B4GALT5: variants seen among roughly 807,000 people sequenced by gnomAD.
The protein encoded by B4GALT5 is UDP-Gal:beta-GlcNAc beta-1,4-galactosyltransferase 5.
Under a neutral mutation model 45.0 loss-of-function variants are expected in B4GALT5, and 11 were observed. The ratio of observed to expected loss-of-function variants is 0.24; its 90% CI spans 0.15 to 0.40. The LOEUF is 0.40. Among genes scored for constraint, B4GALT5 ranks in the 10% least tolerant of loss-of-function variants. The pLI is 1.00. For synonymous variants in B4GALT5, 185 were observed against 182.9 expected (o/e 1.01, Z -0.09); for missense variants, 337 against 500.2 (o/e 0.67, Z 3.11).
chr20:49,680,906 A>G (rs549142274), intron 1 of B4GALT5, among the ~76,000 whole-genome samples: 1 of 152,254 alleles, frequency 6.6e-6, no homozygotes, highest in African/African-American at 2.4e-5. Flanking sequence ...ATATTTTACC[A>G]TATATTTTAC....
At chr20:49,640,298 G>GT (rs1160198744) in intron 6 of B4GALT5, among the ~76,000 whole-genome samples, 180 bp downstream of exon 6, 4 of 152,126 alleles carry the variant, frequency 2.6e-5, no homozygotes, top group Admixed American at 1.3e-4. Context: ...GTTTTGGCAC[G>GT]TATCAGTATT....
intron 1 of B4GALT5, among the ~76,000 whole-genome samples, chr20:49,659,426 A>G (rs2085656346): frequency 6.6e-6 from 1 of 152,166 alleles, no homozygotes; most frequent in Admixed American, 6.5e-5. Flanking sequence ...GTGATGGTCT[A>G]TTACAGACTA....
intron 1 of B4GALT5, among the ~76,000 whole-genome samples, chr20:49,702,790 G>A (rs1185856741): frequency 6.6e-6 from 1 of 152,062 alleles, no homozygotes; most frequent in Non-Finnish European, 1.5e-5. Flanking sequence ...GAGAGGTTGA[G>A]GCTGCAGTGA....
At chr20:49,697,019 G>A (rs181771549) in intron 1 of B4GALT5, among the ~76,000 whole-genome samples, 2 of 152,336 alleles carry the variant, frequency 1.3e-5, no homozygotes, top group East Asian at 3.9e-4. Context: ...TTAGATCGAT[G>A]TTGTTTAATT....
At chr20:49,656,528 G>A in intron 2 of B4GALT5, 40 bp downstream of exon 2, 2 of 1,609,132 alleles carry the variant, frequency 1.2e-6, no homozygotes, top group Non-Finnish European at 1.7e-6. Flanking sequence ...CTCTTGGGAG[G>A]AGACATTCTA....
intron 1 of B4GALT5, among the ~76,000 whole-genome samples, chr20:49,690,742 G>C (rs932384652): frequency 1.5e-4 from 23 of 152,096 alleles, no homozygotes; most frequent in African/African-American, 4.6e-4. Flanking sequence ...TAGTCTCAAA[G>C]AAGGCATACC....
rs963978426 is a variant in B4GALT5 at position 49,689,104 on chromosome 20, T to C, written c.115+24472A>G. Among the ~76,000 whole-genome samples the C allele has an allele frequency of 1.2e-4, 19 of 152,270 alleles. No homozygotes were observed. In the South Asian group the frequency reaches 3.9e-3, roughly 32 times the overall value. On this transcript the variant is annotated intron_variant, in intron 1 of 8. Transcript: ENST00000371711. ...TACAGATTTGTATTGAGTGCTAGCC[T>C]GAGAAAATGTCTCAGCAAAACAGTG...
intron 5 of B4GALT5, among the ~76,000 whole-genome samples, chr20:49,641,824 TGCCTACAGAA>T (rs1341900786): frequency 6.6e-6 from 1 of 151,942 alleles, no homozygotes; most frequent in Non-Finnish European, 1.5e-5. Flanking sequence ...TACTTCAAAA[TGCCTACAGAA>T]GCCAAGTCAG....
intron 1 of B4GALT5, among the ~76,000 whole-genome samples, chr20:49,710,406 T>TCTC (rs1555815349): frequency 0.13 from 3,656 of 28,234 alleles, 60 homozygotes; most frequent in Non-Finnish European, 0.19. Flanking sequence ...TTTCTCTCTC[T>TCTC]TTTTTTTTTT....
chr20:49,674,611 G>A (rs374734749), intron 1 of B4GALT5, among the ~76,000 whole-genome samples: 213 of 151,704 alleles, frequency 1.4e-3, no homozygotes, highest in African/African-American at 5.0e-3. Context: ...ACAGGAGACC[G>A]AGGTGGGAGG....
chr20:49,698,548 A>G (rs916791935), intron 1 of B4GALT5, among the ~76,000 whole-genome samples: 2 of 152,144 alleles, frequency 1.3e-5, no homozygotes, highest in African/African-American at 4.8e-5. Flanking sequence ...CAAATTAACA[A>G]TCGAAGAGAA....
chr20:49,703,982 T>C (rs945360301), intron 1 of B4GALT5, among the ~76,000 whole-genome samples: 2 of 152,220 alleles, frequency 1.3e-5, no homozygotes, highest in Admixed American at 6.5e-5. Flanking sequence ...TTGACTTCCT[T>C]AGGTTGGCAA....
At position 49,649,579 on chromosome 20, in the gene B4GALT5, T is replaced by TA. The variant is rs985091501; in HGVS notation, c.251-2502dup. Among the ~76,000 whole-genome samples the TA allele has an allele frequency of 1.1e-3, 163 of 150,240 alleles. 1 individual carries two copies. Among genetic ancestry groups the TA allele is most frequent in the Non-Finnish European group, 1.8e-3 (124 of 67,464 alleles). ...TGGGTGACAGAATGAGATCCTATCT[T>TA]AAAAAAAAACAAAAACAAAAACATG... On this transcript the variant is annotated intron_variant, in intron 2 of 8. Transcript: ENST00000371711.
intron 1 of B4GALT5, among the ~76,000 whole-genome samples, chr20:49,669,563 G>A (rs748902136): frequency 6.6e-6 from 1 of 151,988 alleles, no homozygotes; most frequent in Non-Finnish European, 1.5e-5. Flanking sequence ...GAGCATGGTG[G>A]TGCATGCCTG....
chr20:49,637,322 A>C lies in B4GALT5; in HGVS notation c.1019+19T>G. 142 of 1,572,066 alleles carry C rather than the reference A, an allele frequency of 9.0e-5. No individual in the cohort carries two copies. Among genetic ancestry groups the C allele is most frequent in the Middle Eastern group, 1.7e-4 (1 of 5,964 alleles). On this transcript the variant is annotated intron_variant, in intron 8 of 8. Transcript: ENST00000371711. The stretch of plus-strand genomic sequence containing the variant: ...AGTATAGGGGATACTTCTAAGAGAC[A>C]GAGATAAATTCCACCAACCTTCCAA...
rs2085928948 is a variant in B4GALT5, at chr20:49,713,471, G to C, written c.115+105C>G. On this transcript the variant is annotated intron_variant, in intron 1 of 8. Transcript: ENST00000371711. Reference sequence around the variant, plus strand: ...GACTCCGGAGTCTTCGGAGGACCAGGCTCAGGGCCGCCTCCCGGCCGGGGC... The same window carrying C: ...GACTCCGGAGTCTTCGGAGGACCAGCCTCAGGGCCGCCTCCCGGCCGGGGC... 12 of 1,180,540 alleles carry C rather than the reference G, an allele frequency of 1.0e-5. No homozygotes were observed. In the South Asian group the frequency reaches 1.6e-4, roughly 16 times the overall value. 73.1% of individuals were successfully genotyped at this position (1,180,540 alleles called of 1,614,324 possible). A position where few individuals can be genotyped will look rare whatever the true frequency, so the allele number is the denominator to read the frequency against.
At chr20:49,680,232 C>G (rs773155968) in intron 1 of B4GALT5, among the ~76,000 whole-genome samples, 4 of 152,160 alleles carry the variant, frequency 2.6e-5, no homozygotes, top group Non-Finnish European at 5.9e-5. Context: ...GCCATTTCAA[C>G]AAGCTCTTGG....
chr20:49,661,079 C>T (rs2123023559), intron 1 of B4GALT5, among the ~76,000 whole-genome samples: 1 of 152,342 alleles, frequency 6.6e-6, no homozygotes, highest in South Asian at 2.1e-4. Flanking sequence ...TCAAAATTCA[C>T]ATCTCTGTGA....
intron 1 of B4GALT5, among the ~76,000 whole-genome samples, chr20:49,660,051 A>T (rs1230886805): frequency 6.6e-6 from 1 of 151,650 alleles, no homozygotes; most frequent in Non-Finnish European, 1.5e-5. Flanking sequence ...ACCCTCTCCC[A>T]CTCAGGCCCC....
Sources: allele counts gnomAD v4.1 joint callset (sites outside exome capture counted in the v4.1 genomes callset), GRCh38; gene constraint gnomAD v4.1.1; transcripts MANE v1.5; gene names NCBI Gene and HGNC (gene_info 2026-07-23, HGNC 2026-07-21).